EML1: variants seen among roughly 807,000 people sequenced by gnomAD.
EML1 encodes the protein echinoderm microtubule-associated protein-like 1.
A neutral mutation model predicts 110.4 loss-of-function variants in EML1; 27 were observed. The observed-to-expected ratio is 0.24, with a 90% CI of 0.18 to 0.34. EML1 has a LOEUF of 0.34. Among genes scored for constraint, EML1 ranks in the 10% least tolerant of loss-of-function variants. The probability of loss-of-function intolerance (pLI) is 1.00; values close to 1 mark genes in which losing one functional copy is unlikely to be tolerated. For synonymous variants in EML1, 344 were observed against 385.8 expected (o/e 0.89, Z 1.27); for missense variants, 741 against 1,030.9 (o/e 0.72, Z 3.85).
intron 1 of EML1, among the ~76,000 whole-genome samples, chr14:99,812,404 A>G (rs1159090312): frequency 2.6e-5 from 4 of 151,820 alleles, no homozygotes; most frequent in African/African-American, 9.7e-5. Flanking sequence ...CTAACTCTAA[A>G]AAGGTAGATG....
At chr14:99,743,132 G>A (rs1343555891) in intron 1 of EML1, among the ~76,000 whole-genome samples, 2 of 152,178 alleles carry the variant, frequency 1.3e-5, no homozygotes, top group Non-Finnish European at 2.9e-5. Flanking sequence ...TCCATGTTAT[G>A]GAGCAGGGGA....
chr14:99,918,813 T>C (rs2060077593), intron 16 of EML1, among the ~76,000 whole-genome samples: 1 of 152,066 alleles, frequency 6.6e-6, no homozygotes, highest in Admixed American at 6.5e-5. Context: ...AGACCCCATC[T>C]CTAAAAAAAA....
At chr14:99,877,772 C>T (rs2059317468) in intron 3 of EML1, among the ~76,000 whole-genome samples, 4 of 152,234 alleles carry the variant, frequency 2.6e-5, no homozygotes, top group Admixed American at 2.6e-4. Flanking sequence ...CCAGGTGCTA[C>T]TTTGTGGAGT....
At position 99,905,136 on chromosome 14, in the gene EML1, C is replaced by T. The variant is rs1182140637; in HGVS notation, c.1009-2502C>T. On this transcript the variant is annotated intron_variant, in intron 9 of 21. Transcript: ENST00000262233. The surrounding 1 kb of genome is among the most constrained non-coding windows in gnomAD (Gnocchi z 4.1). ...GCTTCTGGGTTCCCTTTCCCTGAGGCGGCCCTAGTGATCCAGCTGGCTGCA... is the reference window on the plus strand; with the variant it reads ...GCTTCTGGGTTCCCTTTCCCTGAGGTGGCCCTAGTGATCCAGCTGGCTGCA... 2.0e-5 allele frequency among the ~76,000 whole-genome samples: 3 copies of T among 152,190 alleles called. No individual in the cohort carries two copies. The highest frequency in any genetic ancestry group is 6.5e-5 in the Admixed American group (1 of 15,282).
intron 1 of EML1, chr14:99,737,991 G>A (rs879691983): frequency 8.5e-6 from 8 of 937,960 alleles, no homozygotes; most frequent in African/African-American, 3.5e-5. Flanking sequence ...CTTGCCCGAC[G>A]CCTGGGGGGC....
At chr14:99,769,546 C>G (rs556705798), upstream of EML1, among the ~76,000 whole-genome samples, 2 of 152,192 alleles carry the variant, frequency 1.3e-5, no homozygotes, top group East Asian at 3.9e-4. Flanking sequence ...GCAGACAGGT[C>G]AGTTTCAATG....
chr14:99,753,417 C>G (rs1304913606), intron 1 of EML1, among the ~76,000 whole-genome samples: 1 of 151,846 alleles, frequency 6.6e-6, no homozygotes, highest in South Asian at 2.1e-4. Context: ...GCCCAGGACC[C>G]GCCCTCACCT....
At chr14:99,763,352 G>C (rs945761251) in intron 1 of EML1, among the ~76,000 whole-genome samples, 5 of 152,166 alleles carry the variant, frequency 3.3e-5, no homozygotes, top group African/African-American at 1.2e-4. Flanking sequence ...CGCTTCTCCA[G>C]ATACTCCTGG....
intron 16 of EML1, among the ~76,000 whole-genome samples, chr14:99,920,376 A>C (rs1483789227): frequency 1.3e-5 from 2 of 152,182 alleles, no homozygotes; most frequent in African/African-American, 4.8e-5. Flanking sequence ...GAGTTGTCCC[A>C]GCCCCATCCT....
Position 99,850,976 on chromosome 14 carries a change from G to A in EML1, c.191G>A (p.Arg64Gln), listed in dbSNP as rs780763756. Reference sequence around the variant, plus strand: ...AAATCAGCTCTAGCTGATGTGGTTCGGCGGCTGAACATTACTGAGGAACAG... The same window carrying A: ...AAATCAGCTCTAGCTGATGTGGTTCAGCGGCTGAACATTACTGAGGAACAG... ...LLKSALADVV[R>Q]RLNITEEQQA... The change falls in exon 2 of 22, where the codon CGG becomes CAG. Residue 64 changes from arginine (R) to glutamine (Q), a missense_variant. Physicochemically the swap from Arg to Gln is conservative, Grantham distance 43. Transcript: ENST00000262233. 1.2e-5 allele frequency: 20 copies of A among 1,614,132 alleles called. No individual in the cohort carries two copies. Among genetic ancestry groups the A allele is most frequent in the African/African-American group, 4.0e-5 (3 of 75,010 alleles).
rs80321926 is a variant in EML1, at chr14:99,906,040, C to T, written c.1009-1598C>T. On this transcript the variant is annotated intron_variant, in intron 9 of 21. Transcript: ENST00000262233. Reference sequence around the variant, plus strand: ...TCACCAGAAAGATGTTACCAGACCCCACCACTTACTAAAGTTAGCCTTTGG... The same window carrying T: ...TCACCAGAAAGATGTTACCAGACCCTACCACTTACTAAAGTTAGCCTTTGG... Among the ~76,000 whole-genome samples, 551 of 152,238 alleles carry T rather than the reference C, an allele frequency of 3.6e-3. 5 individuals carry two copies. Among genetic ancestry groups the T allele is most frequent in the African/African-American group, 0.013 (527 of 41,550 alleles).
chr14:99,874,599 T>C (rs1285455696), intron 3 of EML1, among the ~76,000 whole-genome samples: 3 of 152,240 alleles, frequency 2.0e-5, no homozygotes, highest in South Asian at 4.1e-4. Flanking sequence ...TAAGCTTTAT[T>C]TTCTGTCCTT....
rs1461038948 is a variant in EML1, at chr14:99,878,406, A to G, written c.384-79A>G. The G allele has an allele frequency of 2.6e-5, 39 of 1,516,568 alleles. No individual in the cohort carries two copies. In the South Asian group the frequency reaches 3.8e-4, roughly 15 times the overall value. The allele number at this position is 1,516,568 out of a possible 1,614,324, so 93.9% of individuals were successfully genotyped here. A position where few individuals can be genotyped will look rare whatever the true frequency, so the allele number is the denominator to read the frequency against. On this transcript the variant is annotated intron_variant, in intron 3 of 21. Coordinates refer to ENST00000262233, the MANE Select transcript of EML1 (RefSeq NM_004434.3). The stretch of plus-strand genomic sequence containing the variant: ...TATCCATGTGGAAGTATGACGTTCT[A>G]TGTATATATTTGTATGCTTAGCAAT...
chr14:99,895,498 AT>A (rs1325549245), intron 6 of EML1, among the ~76,000 whole-genome samples: 1 of 152,198 alleles, frequency 6.6e-6, no homozygotes, highest in African/African-American at 2.4e-5. Context: ...TGTCCTTATG[AT>A]TGAGGAAATG....
In EML1 at chr14:99,890,685, G is replaced by T. The variant is rs144240585; in HGVS notation, c.519-514G>T. Among the ~76,000 whole-genome samples, 7 of 152,302 alleles carry T rather than the reference G, an allele frequency of 4.6e-5. No homozygotes were observed. In the East Asian group the frequency reaches 1.4e-3, roughly 29 times the overall value. ...ACCTCTCCCAAGAGATGGCTGAGCT[G>T]GAGGGTACCACACCCTGGTGTTCCC... On this transcript the variant is annotated intron_variant, in intron 4 of 21. Transcript: ENST00000262233.
intron 1 of EML1, chr14:99,839,015 A>G (rs2058591173): frequency 6.6e-6 from 1 of 151,946 alleles, no homozygotes; most frequent in African/African-American, 2.4e-5. Flanking sequence ...GTCTTTGTTG[A>G]CTTCATAACT....
chr14:99,776,229 G>T (rs1204971462), intron 1 of EML1, among the ~76,000 whole-genome samples: 1 of 152,160 alleles, frequency 6.6e-6, no homozygotes, highest in Non-Finnish European at 1.5e-5. Context: ...GACCAGGTGC[G>T]GTGGCTCATG....
At chr14:99,927,768 A>AGTG (rs2060261678) in intron 17 of EML1, among the ~76,000 whole-genome samples, 1 of 73,694 alleles carries the variant, frequency 1.4e-5, no homozygotes, top group African/African-American at 5.5e-5. Context: ...TGGTGATAGT[A>AGTG]GTGGTGGTGG....
chr14:99,891,344 T>A, intron 5 of EML1, 117 bp downstream of exon 5: 1 of 1,309,072 alleles, frequency 7.6e-7, no homozygotes, highest in Admixed American at 1.9e-5. Flanking sequence ...AGCTTTGGTT[T>A]GTGCAGGCCC....
Sources: gnomAD v4.1 joint callset for allele counts (sites outside exome capture counted in the v4.1 genomes callset) on GRCh38, gnomAD v4.1.1 for gene constraint, Gnocchi (gnomAD v3.1) non-coding constraint, MANE v1.5 for transcripts, NCBI Gene and HGNC (gene_info 2026-07-23, HGNC 2026-07-21) for gene names.